The following ATP8A1 variants were observed in gnomAD, a reference collection of about 807,000 sequenced individuals.
ATP8A1 encodes phospholipid-transporting ATPase IA.
In ATP8A1, 90 loss-of-function variants were observed where a neutral mutation model predicts 177.7. The ratio of observed to expected loss-of-function variants is 0.51; its 90% confidence interval spans 0.43 to 0.60. The LOEUF (loss-of-function observed/expected upper bound fraction) is 0.60, where lower values mean the gene tolerates loss of function less well. ATP8A1 is among the 20% of genes least tolerant of loss of function. ATP8A1 has a pLI of 0.00. For missense variants in ATP8A1, 1,072 were observed against 1,392.8 expected, an observed-to-expected ratio of 0.77 and a Z score of 3.67; for synonymous variants, 493 against 485.9, an observed-to-expected ratio of 1.01 and a Z score of -0.19.
intron 1 of ATP8A1, among the ~76,000 whole-genome samples, chr4:42,636,150 A>ACGCGCGCGCGCGTGCG (rs1175397000): frequency 3.8e-4 from 12 of 31,870 alleles, no homozygotes; most frequent in Admixed American, 1.0e-3. Context: ...ACACACACAC[A>ACGCGCGCGCGCGTGCG]CACACACGCA....
chr4:42,470,772 A>G (rs1720310919), intron 25 of ATP8A1, among the ~76,000 whole-genome samples: 1 of 152,166 alleles, frequency 6.6e-6, no homozygotes, highest in African/African-American at 2.4e-5. Context: ...CCCAGTATTT[A>G]CTAAATTTCT....
intron 15 of ATP8A1, among the ~76,000 whole-genome samples, chr4:42,558,631 T>A (rs1431597564): frequency 6.6e-6 from 1 of 152,214 alleles, no homozygotes; most frequent in Non-Finnish European, 1.5e-5. Flanking sequence ...GACTTTTTTT[T>A]AAATTCAAAA....
chr4:42,410,029 T>G lies in ATP8A1; in HGVS notation c.*2887A>C, dbSNP rs1462236328. 1.3e-5 allele frequency: 2 copies of G among 152,168 alleles called. No homozygotes were observed. Among genetic ancestry groups the G allele is most frequent in the East Asian group, 3.8e-4 (2 of 5,204 alleles). The allele number at this position is 152,168 out of a possible 1,614,324, so 9.4% of individuals were successfully genotyped here. ...AAGTTTTCCATTAACTTAGCAACAC[T>G]GCTGAAGCAGTCTCACATTAGAGCA... is the stretch of plus-strand genomic sequence containing the variant. On this transcript the variant is annotated 3_prime_UTR_variant, in exon 37 of 37. Coordinates refer to ENST00000381668, the MANE Select transcript of ATP8A1 (RefSeq NM_006095.2).
intron 20 of ATP8A1, among the ~76,000 whole-genome samples, chr4:42,537,495 C>G (rs1414247383): frequency 3.3e-5 from 5 of 152,096 alleles, no homozygotes. Context: ...TTGCTGATGA[C>G]ATGATCATAT....
chr4:42,550,248 A>T, intron 18 of ATP8A1, among the ~76,000 whole-genome samples: 1 of 137,982 alleles, frequency 7.2e-6, no homozygotes, highest in Non-Finnish European at 1.6e-5. Context: ...GTTTTGATTC[A>T]TTTTTCATCC....
intron 6 of ATP8A1, among the ~76,000 whole-genome samples, chr4:42,597,304 AG>A (rs1734815528): frequency 6.6e-6 from 1 of 152,230 alleles, no homozygotes; most frequent in African/African-American, 2.4e-5. Flanking sequence ...ATATCATATA[AG>A]GCAAAGAAAA....
intron 4 of ATP8A1, among the ~76,000 whole-genome samples, chr4:42,617,094 T>C (rs1248401110): frequency 4.6e-5 from 7 of 152,154 alleles, no homozygotes; most frequent in African/African-American, 1.7e-4. Context: ...AGTTTTCCAT[T>C]TGAGAAAAAA....
chr4:42,569,536 AATC>A (rs1236543564), intron 14 of ATP8A1, among the ~76,000 whole-genome samples: 1 of 152,224 alleles, frequency 6.6e-6, no homozygotes, highest in East Asian at 1.9e-4. Flanking sequence ...ATGGAAAATT[AATC>A]ATATGTGTTA....
At chr4:42,640,137 C>G (rs891632343) in intron 1 of ATP8A1, among the ~76,000 whole-genome samples, 1 of 151,988 alleles carries the variant, frequency 6.6e-6, no homozygotes, top group Non-Finnish European at 1.5e-5. Context: ...AGATCATAAA[C>G]CACTGTTTTT....
intron 5 of ATP8A1, among the ~76,000 whole-genome samples, chr4:42,605,548 T>C (rs1424372971): frequency 6.6e-6 from 1 of 152,206 alleles, no homozygotes; most frequent in Non-Finnish European, 1.5e-5. Context: ...TAACGGATAG[T>C]GGAAGCCAGT....
intron 6 of ATP8A1, among the ~76,000 whole-genome samples, chr4:42,591,904 A>G (rs997754465): frequency 6.6e-6 from 1 of 152,164 alleles, no homozygotes; most frequent in African/African-American, 2.4e-5. Context: ...TTGCGGGTAA[A>G]AATCATCATG....
chr4:42,588,365 G>GCTT, intron 7 of ATP8A1, 36 bp from the exon 8 acceptor site: 1 of 1,554,518 alleles, frequency 6.4e-7, no homozygotes, highest in Non-Finnish European at 8.9e-7. Context: ...AAGATTTAGT[G>GCTT]CGGGAAGAAA....
intron 4 of ATP8A1, among the ~76,000 whole-genome samples, chr4:42,616,670 A>G (rs1736952683): frequency 6.6e-6 from 1 of 152,194 alleles, no homozygotes; most frequent in South Asian, 2.1e-4. Flanking sequence ...TGCAACCGAA[A>G]GCCATTGAAT....
chr4:42,444,665 C>A, intron 31 of ATP8A1, 31 bp from the exon 32 acceptor site: 1 of 1,599,224 alleles, frequency 6.3e-7, no homozygotes, highest in Non-Finnish European at 8.6e-7. Context: ...GTTATTTTAC[C>A]TCATAAACAT....
At chr4:42,493,327 C>T (rs1421222063) in intron 24 of ATP8A1, among the ~76,000 whole-genome samples, 1 of 152,060 alleles carries the variant, frequency 6.6e-6, no homozygotes, top group African/African-American at 2.4e-5. Flanking sequence ...CATTATTCAC[C>T]TTCTTGGAAA....
chr4:42,512,717 T>G (rs182796079), intron 22 of ATP8A1, among the ~76,000 whole-genome samples: 37 of 152,302 alleles, frequency 2.4e-4, no homozygotes, highest in Middle Eastern at 6.8e-3. Context: ...TTTCAAACTT[T>G]AATTTTCAGA....
intron 22 of ATP8A1, among the ~76,000 whole-genome samples, chr4:42,509,617 T>C (rs139071689): frequency 2.0e-5 from 3 of 152,196 alleles, no homozygotes; most frequent in Admixed American, 6.5e-5. Flanking sequence ...TCCCAACACT[T>C]TGGGAGGCCT....
chr4:42,482,716 G>A (rs1487177324), intron 25 of ATP8A1, among the ~76,000 whole-genome samples: 1 of 152,186 alleles, frequency 6.6e-6, no homozygotes, highest in Non-Finnish European at 1.5e-5. Context: ...AGTGGCTGAT[G>A]CAATCCTGAT....
chr4:42,555,923 A>G (rs1730185038), intron 16 of ATP8A1, 45 bp downstream of exon 16: 2 of 1,265,294 alleles, frequency 1.6e-6, no homozygotes, highest in Non-Finnish European at 2.3e-6. Flanking sequence ...AACATTCATT[A>G]GTTTTTATTC....
Sources: allele counts gnomAD v4.1 joint callset (sites outside exome capture counted in the v4.1 genomes callset), GRCh38; gene constraint gnomAD v4.1.1; transcripts MANE v1.5; gene names NCBI Gene and HGNC (gene_info 2026-07-23, HGNC 2026-07-21).